PRUNE2: variants seen among roughly 807,000 people sequenced by gnomAD.
PRUNE2 encodes the protein prune homolog 2 with BCH domain.
Under a neutral mutation model 252.0 loss-of-function variants are expected in PRUNE2, and 164 were observed. The ratio of observed to expected loss-of-function variants is 0.65; its 90% CI spans 0.57 to 0.74. The LOEUF (loss-of-function observed/expected upper bound fraction) is 0.74. PRUNE2 is among the 30% of genes least tolerant of loss of function. The probability of loss-of-function intolerance (pLI) is 0.00; values close to 1 mark genes in which losing one functional copy is unlikely to be tolerated. For missense variants in PRUNE2, 3,495 were observed against 3,711.0 expected (o/e 0.94, Z 1.51); for synonymous variants, 1,292 against 1,350.2 (o/e 0.96, Z 0.94).
At chr9:76,670,310 G>A (rs1055404832) in intron 9 of PRUNE2, among the ~76,000 whole-genome samples, 1 of 151,728 alleles carries the variant, frequency 6.6e-6, no homozygotes, top group Non-Finnish European at 1.5e-5. Flanking sequence ...TGGAAAATCG[G>A]GTCACTCCCA....
intron 6 of PRUNE2, among the ~76,000 whole-genome samples, chr9:76,731,418 G>C (rs913911274): frequency 7.3e-5 from 11 of 151,016 alleles, no homozygotes; most frequent in Middle Eastern, 3.5e-3. Context: ...GACCTCCCAG[G>C]CTCCAGCGAT....
intron 6 of PRUNE2, among the ~76,000 whole-genome samples, chr9:76,799,992 G>C (rs1336360722): frequency 6.6e-6 from 1 of 152,104 alleles, no homozygotes; most frequent in African/African-American, 2.4e-5. Context: ...TATCTGGAAT[G>C]GGCAGCAGCA....
chr9:76,629,051 C>T, intron 16 of PRUNE2, 141 bp downstream of exon 16: 2 of 557,574 alleles, frequency 3.6e-6, no homozygotes, highest in Non-Finnish European at 6.3e-6. Context: ...GCTATGTTGT[C>T]CAGGCTGATT....
intron 9 of PRUNE2, among the ~76,000 whole-genome samples, chr9:76,668,968 C>G (rs1325621198): frequency 6.6e-6 from 1 of 151,150 alleles, no homozygotes; most frequent in African/African-American, 2.4e-5. Context: ...GCCATCTTCT[C>G]TCTCTGTTTT....
intron 2 of PRUNE2, 56 bp downstream of exon 2, chr9:76,854,048 C>A: frequency 3.4e-6 from 3 of 873,812 alleles, no homozygotes; most frequent in Non-Finnish European, 5.4e-6. Context: ...AATGTTTATT[C>A]TTAAAAGTTA....
At chr9:76,621,150 C>A (rs1832141144) in intron 17 of PRUNE2, among the ~76,000 whole-genome samples, 1 of 152,134 alleles carries the variant, frequency 6.6e-6, no homozygotes, top group Admixed American at 6.5e-5. Flanking sequence ...TGTTCCCTGA[C>A]CAAGTGTACG....
At chr9:76,735,528 T>C (rs1322148427) in intron 6 of PRUNE2, among the ~76,000 whole-genome samples, 4 of 150,238 alleles carry the variant, frequency 2.7e-5, no homozygotes, top group Non-Finnish European at 5.9e-5. Flanking sequence ...CCAGCTGGAC[T>C]CCTACGAGCC....
chr9:76,636,972 A>AGTGTGTGTGTGTGTGT lies in PRUNE2; in HGVS notation c.8964-416_8964-415insACACACACACACACAC, dbSNP rs367745600. ...CTCCAACAACAACGACAACAACAAA[A>AGTGTGTGTGTGTGTGT]ATGTGTGTGTGTGTGTGTGTGTGTG... On this transcript the variant is annotated intron_variant, in intron 14 of 18. Coordinates refer to ENST00000376718, the MANE Select transcript of PRUNE2 (RefSeq NM_015225.3). Among the ~76,000 whole-genome samples, 184 of 131,544 alleles carry AGTGTGTGTGTGTGTGT rather than the reference A, an allele frequency of 1.4e-3. 1 individual carries two copies. In the Middle Eastern group the frequency reaches 0.023, roughly 16 times the overall value. 86.3% of individuals were successfully genotyped at this position (131,544 alleles called of 152,430 possible).
Position 76,872,400 on chromosome 9 carries a change from A to G in PRUNE2, c.37-18192T>C, listed in dbSNP as rs752404667. On this transcript the variant is annotated intron_variant, in intron 1 of 18. Coordinates refer to ENST00000376718, the MANE Select transcript of PRUNE2 (RefSeq NM_015225.3). ...TTACTTACGCATTACAAGTCATGGA[A>G]GAACAATGTGGGGGCGCAGTGGACA... Among the ~76,000 whole-genome samples the G allele has an allele frequency of 2.0e-5, 3 of 152,158 alleles. No individual in the cohort carries two copies. In the South Asian group the frequency reaches 6.2e-4, roughly 32 times the overall value.
rs1393759947 is a variant in PRUNE2, at chr9:76,705,364, T to G, written c.6910A>C (p.Ser2304Arg). The change falls in exon 8 of 19, where the codon AGC becomes CGC. Residue 2304 changes from serine (S) to arginine (R), a missense_variant. Coordinates refer to ENST00000376718, the MANE Select transcript of PRUNE2 (RefSeq NM_015225.3). ...GATGTGTTGAGACCTGAGGCATCGCTGAAACTGTGGTCAAAGGCAGCTTCG... is the reference window on the plus strand; with the variant it reads ...GATGTGTTGAGACCTGAGGCATCGCGGAAACTGTGGTCAAAGGCAGCTTCG... The part of the protein sequence containing the change: ...ISEAAFDHSF[S>R]DASGLNTSTG... The G allele has an allele frequency of 6.2e-7, 1 of 1,613,906 alleles. No individual in the cohort carries two copies. Among genetic ancestry groups the G allele is most frequent in the African/African-American group, 1.3e-5 (1 of 74,940 alleles).
intron 9 of PRUNE2, among the ~76,000 whole-genome samples, chr9:76,682,839 ATTTTTCT>A (rs535486730): frequency 3.1e-5 from 3 of 95,512 alleles, no homozygotes; most frequent in Non-Finnish European, 8.9e-5. Flanking sequence ...AAATATTCAA[ATTTTTCT>A]TTTAACTATT....
intron 4 of PRUNE2, among the ~76,000 whole-genome samples, chr9:76,832,569 A>C (rs1471826867): frequency 6.6e-6 from 1 of 152,158 alleles, no homozygotes; most frequent in Non-Finnish European, 1.5e-5. Context: ...AAATTGTGAG[A>C]TTCAACTCAA....
At chr9:76,781,921 T>C (rs537362174) in intron 6 of PRUNE2, among the ~76,000 whole-genome samples, 15 of 152,192 alleles carry the variant, frequency 9.9e-5, no homozygotes, top group Admixed American at 7.2e-4. Flanking sequence ...ATAGAAAGCA[T>C]TGGGAAAGCC....
At chr9:76,859,697 GTT>G in intron 1 of PRUNE2, among the ~76,000 whole-genome samples, 1 of 151,542 alleles carries the variant, frequency 6.6e-6, no homozygotes, top group East Asian at 1.9e-4. Context: ...TTGTTTGTTT[GTT>G]TGTTTGTTTG....
chr9:76,737,511 A>C (rs2049184834), intron 6 of PRUNE2: 1 of 152,276 alleles, frequency 6.6e-6, no homozygotes, highest in Non-Finnish European at 1.5e-5. Context: ...CCTCAGGTAC[A>C]AATTTACATG....
At chr9:76,866,123 A>G (rs1013116458) in intron 1 of PRUNE2, among the ~76,000 whole-genome samples, 1 of 152,192 alleles carries the variant, frequency 6.6e-6, no homozygotes, top group Non-Finnish European at 1.5e-5. Context: ...ATGACTTGCT[A>G]TTAGTACATG....
intron 9 of PRUNE2, among the ~76,000 whole-genome samples, chr9:76,696,861 T>C (rs2045438801): frequency 6.6e-6 from 1 of 152,238 alleles, no homozygotes; most frequent in Non-Finnish European, 1.5e-5. Context: ...AAATAGTCTT[T>C]CTGGGTTCTG....
rs771655934 is a variant in PRUNE2, at chr9:76,711,266, C to T, written c.1008G>A (p.Glu336=). The stretch of plus-strand genomic sequence containing the variant: ...CCTGATCACAAGTCACTGAAGGGTC[C>T]TCTTGTTGGTACACCAGGATCTCAT... ...GCDEILVYQQ[E]DPSVTCDQVV... The change falls in exon 8 of 19, where the codon GAG becomes GAA. Residue 336 remains glutamate, a synonymous_variant. Coordinates refer to ENST00000376718, the MANE Select transcript of PRUNE2 (RefSeq NM_015225.3). 3.1e-6 allele frequency: 5 copies of T among 1,613,734 alleles called. No individual in the cohort carries two copies. The African/African-American group carries it at 4.0e-5, about 13-fold the overall frequency.
At chr9:76,852,822 A>G (rs112890852) in intron 2 of PRUNE2, among the ~76,000 whole-genome samples, 10 of 38,820 alleles carry the variant, frequency 2.6e-4, no homozygotes, top group African/African-American at 1.5e-3. Flanking sequence ...CTATCTATCT[A>G]TCTATCTATC....
Sources: gnomAD v4.1 joint callset for allele counts (sites outside exome capture counted in the v4.1 genomes callset) on GRCh38, gnomAD v4.1.1 for gene constraint, MANE v1.5 for transcripts, NCBI Gene and HGNC (gene_info 2026-07-23, HGNC 2026-07-21) for gene names.